The following PARP9 variants were observed in gnomAD, a reference collection of about 807,000 sequenced individuals.
PARP9 encodes protein mono-ADP-ribosyltransferase PARP9.
Under a neutral mutation model 68.8 loss-of-function variants are expected in PARP9, and 48 were observed. The ratio of observed to expected loss-of-function variants is 0.70; its 90% CI spans 0.55 to 0.89. The LOEUF is 0.89. Ranked by LOEUF, PARP9 falls within the 40% of genes least tolerant of loss-of-function variation. The pLI is 0.00. For missense variants in PARP9, 806 were observed against 969.3 expected, an observed-to-expected ratio of 0.83 and a Z score of 2.24; for synonymous variants, 309 against 333.8, an observed-to-expected ratio of 0.93 and a Z score of 0.81.
At chr3:122,545,690 G>A in intron 6 of PARP9, 2 of 541,956 alleles carry the variant, frequency 3.7e-6, no homozygotes. Context: ...AATAAGCATA[G>A]GAAAAATGGA....
intron 1 of PARP9, among the ~76,000 whole-genome samples, chr3:122,560,536 G>C (rs1297247080): frequency 6.6e-6 from 1 of 151,970 alleles, no homozygotes; most frequent in Non-Finnish European, 1.5e-5. Flanking sequence ...ACAGGCGCCC[G>C]CCACCACGCC....
chr3:122,542,377 G>A (rs990142411), intron 7 of PARP9, among the ~76,000 whole-genome samples: 1 of 147,740 alleles, frequency 6.8e-6, no homozygotes, highest in Non-Finnish European at 1.5e-5. Context: ...GCATGAGTCA[G>A]CATGCCTGGC....
At chr3:122,554,746 T>A (rs1178898797) in intron 4 of PARP9, among the ~76,000 whole-genome samples, 1 of 152,156 alleles carries the variant, frequency 6.6e-6, no homozygotes, top group African/African-American at 2.4e-5. Flanking sequence ...TATTATTATT[T>A]TTAGAGTCAA....
chr3:122,537,284 C>T (rs1416396373), intron 8 of PARP9, among the ~76,000 whole-genome samples: 2 of 152,134 alleles, frequency 1.3e-5, no homozygotes, highest in Non-Finnish European at 2.9e-5. Context: ...TGATTTGAAT[C>T]ATGAGGCTAA....
chr3:122,536,596 G>A lies in PARP9; in HGVS notation c.1906-254C>T, dbSNP rs1330831723. The A allele has an allele frequency of 8.3e-6, 5 of 600,474 alleles. No individual in the cohort carries two copies. The East Asian group carries it at 1.5e-4, about 18-fold the overall frequency. 37.2% of individuals were successfully genotyped at this position (600,474 alleles called of 1,614,324 possible). A position where few individuals can be genotyped will look rare whatever the true frequency, so the allele number is the denominator to read the frequency against. Reference sequence around the variant, plus strand: ...ATTCACTGACCTAGACATAGTCTCTGCCCTCTTAAGCTCATAGTTTAGTGA... The same window carrying A: ...ATTCACTGACCTAGACATAGTCTCTACCCTCTTAAGCTCATAGTTTAGTGA... On this transcript the variant is annotated intron_variant, in intron 9 of 10. Coordinates refer to ENST00000682323, the MANE Select transcript of PARP9 (RefSeq NM_001146105.2).
chr3:122,529,174 G>A (rs1221538392), intron 10 of PARP9, among the ~76,000 whole-genome samples: 1 of 149,266 alleles, frequency 6.7e-6, no homozygotes, highest in African/African-American at 2.5e-5. Flanking sequence ...GGAGTCGGAG[G>A]TTGTAGTGAG....
intron 8 of PARP9, 66 bp downstream of exon 8, chr3:122,540,406 C>G: frequency 1.3e-6 from 2 of 1,568,022 alleles, no homozygotes; most frequent in Non-Finnish European, 1.7e-6. Context: ...CATACATACA[C>G]GCTCACACCC....
chr3:122,564,452 C>T, upstream of PARP9: 1 of 1,611,630 alleles, frequency 6.2e-7, no homozygotes, highest in Non-Finnish European at 8.5e-7. Context: ...CGCCCGCCGT[C>T]CCCGCTCCTC....
intron 5 of PARP9, among the ~76,000 whole-genome samples, chr3:122,551,284 A>G (rs1225743975): frequency 5.9e-5 from 9 of 152,242 alleles, no homozygotes; most frequent in Admixed American, 2.0e-4. Context: ...AACTGTTAAC[A>G]TCAAAGTAAT....
At chr3:122,556,520 T>G (rs2079684029) in intron 3 of PARP9, among the ~76,000 whole-genome samples, 1 of 152,226 alleles carries the variant, frequency 6.6e-6, no homozygotes, top group African/African-American at 2.4e-5. Flanking sequence ...GACTTAATTA[T>G]GAGCCAAAAT....
rs779964468 is a variant in PARP9, at chr3:122,555,826, G to A, written c.345C>T (p.Ala115=). 3 of 1,613,976 alleles carry A rather than the reference G, an allele frequency of 1.9e-6. No homozygotes were observed. The highest frequency in any genetic ancestry group is 3.3e-5 in the Admixed American group (2 of 60,012). The part of the protein sequence containing the change: ...NEDLLHGGGL[A]LALVKAGGFE... The stretch of plus-strand genomic sequence containing the variant: ...ATCCACCAGCTTTTACCAGGGCCAG[G>A]GCCAGGCCTCCCCCATGCAGAAGAT... Residue 115 remains alanine, a synonymous_variant, in exon 4 of 11, where the codon GCC becomes GCT. Transcript: ENST00000682323.
At chr3:122,552,728 A>G in intron 4 of PARP9, 89 bp from the exon 5 acceptor site, 4 of 947,068 alleles carry the variant, frequency 4.2e-6, no homozygotes, top group Non-Finnish European at 6.3e-6. Flanking sequence ...AAGAGCTTTG[A>G]AAAATACTCT....
At chr3:122,533,712 T>A (rs1176242744) in intron 10 of PARP9, 2 of 985,336 alleles carry the variant, frequency 2.0e-6, no homozygotes, top group Non-Finnish European at 2.4e-6. Context: ...AGAAACTGCA[T>A]GTGTAGATGC....
At chr3:122,558,749 C>T (rs569500588) in intron 2 of PARP9, among the ~76,000 whole-genome samples, 1 of 152,282 alleles carries the variant, frequency 6.6e-6, no homozygotes, top group African/African-American at 2.4e-5. Flanking sequence ...TTCACTCTGT[C>T]ACCCAGGCTG....
chr3:122,562,395 A>G (rs1335104956), intron 1 of PARP9, among the ~76,000 whole-genome samples: 1 of 149,302 alleles, frequency 6.7e-6, no homozygotes. Flanking sequence ...GGGTTTCACC[A>G]TGTTAGCCAG....
At chr3:122,541,020 A>G (rs1169859567) in intron 7 of PARP9, among the ~76,000 whole-genome samples, 168 bp from the exon 8 acceptor site, 2 of 151,848 alleles carry the variant, frequency 1.3e-5, no homozygotes, top group Non-Finnish European at 2.9e-5. Context: ...CCTCCCGAGT[A>G]GCTGGGACTA....
chr3:122,564,521 G>A (rs367967191), upstream of PARP9: 12 of 1,611,798 alleles, frequency 7.4e-6, no homozygotes, highest in African/African-American at 2.7e-5. Flanking sequence ...TACTTCCAGA[G>A]CTCTAAGTCC....
At position 122,528,136 on chromosome 3, in the gene PARP9, G is replaced by A. The variant is rs1576364569; in HGVS notation, c.*228C>T. ...ATTAAAGAACAACTGCAAGAGGAAG[G>A]AAGGTCCTGAAAGTGTTTCATTTGG... On this transcript the variant is annotated 3_prime_UTR_variant, in exon 11 of 11. Transcript: ENST00000682323. The A allele has an allele frequency of 4.9e-6, 2 of 408,692 alleles. No homozygotes were observed. The highest frequency in any genetic ancestry group is 7.8e-5 in the East Asian group (2 of 25,652). 25.3% of individuals were successfully genotyped at this position (408,692 alleles called of 1,614,324 possible). A position where few individuals can be genotyped will look rare whatever the true frequency, so the allele number is the denominator to read the frequency against.
chr3:122,528,876 T>A, intron 10 of PARP9, 133 bp from the exon 11 acceptor site: 1 of 895,012 alleles, frequency 1.1e-6, no homozygotes, highest in Non-Finnish European at 1.6e-6. Flanking sequence ...TTCCTGTGTC[T>A]ATAGCAAAGA....
Sources: gnomAD v4.1 joint callset for allele counts (sites outside exome capture counted in the v4.1 genomes callset) on GRCh38, gnomAD v4.1.1 for gene constraint, MANE v1.5 for transcripts, NCBI Gene and HGNC (gene_info 2026-07-23, HGNC 2026-07-21) for gene names.